MROH1: variants seen among roughly 807,000 people sequenced by gnomAD.
MROH1 encodes maestro heat-like repeat-containing protein family member 1.
A neutral mutation model predicts 116.5 loss-of-function variants in MROH1; 117 were observed. The observed-to-expected ratio is 1.00, with a 90% CI of 0.86 to 1.17. The LOEUF is 1.17. Among genes scored for constraint, MROH1 ranks in the 50% most tolerant of loss-of-function variants. The pLI, the probability that MROH1 is intolerant of heterozygous loss-of-function variation, is 0.00. For missense variants in MROH1, 1,873 were observed against 1,338.5 expected, an observed-to-expected ratio of 1.40 and a Z score of -6.23; for synonymous variants, 921 against 583.9, an observed-to-expected ratio of 1.58 and a Z score of -8.32.
At position 144,152,395 on chromosome 8, in the gene MROH1, T is replaced by A. The variant is rs924320203; in HGVS notation, c.-177+4319T>A. Reference sequence around the variant, plus strand: ...CCTTGTTTTTTTATTTAAAAAAAATTTTTTTTTTTTTTGAGACGGAGTCTT... The same window carrying A: ...CCTTGTTTTTTTATTTAAAAAAAATATTTTTTTTTTTTGAGACGGAGTCTT... On this transcript the variant is annotated intron_variant, in intron 1 of 43. Transcript: ENST00000326134. 0.01 allele frequency among the ~76,000 whole-genome samples: 79 copies of A among 7,570 alleles called. 1 individual carries two copies. The East Asian group carries it at 0.5, about 48-fold the overall frequency. The allele number at this position is 7,570 out of a possible 152,430, so 5.0% of individuals were successfully genotyped here. A position where few individuals can be genotyped will look rare whatever the true frequency, so the allele number is the denominator to read the frequency against.
chr8:144,174,995 C>G, intron 4 of MROH1: 1 of 985,374 alleles, frequency 1.0e-6, no homozygotes, highest in South Asian at 4.7e-5. Context: ...CTATTGTTTT[C>G]CTCTGGAAAA....
chr8:144,207,946 C>CCTTT (rs1564478432), intron 12 of MROH1, among the ~76,000 whole-genome samples: 1 of 135,140 alleles, frequency 7.4e-6, no homozygotes. Flanking sequence ...TTTTTAATTA[C>CCTTT]TTTTTTTTTT....
Position 144,236,228 on chromosome 8 carries a change from A to G in MROH1, c.1339-2528A>G, listed in dbSNP as rs1057410479. ...TCTCATGATTTGATCCAGGTGATGC[A>G]GTTTTGGGAGGAATCTCATGGAATC... On this transcript the variant is annotated intron_variant, in intron 14 of 43. Transcript: ENST00000326134. 9.7e-4 allele frequency among the ~76,000 whole-genome samples: 147 copies of G among 152,202 alleles called. 1 individual carries two copies. Among genetic ancestry groups the G allele is most frequent in the Non-Finnish European group, 1.8e-3 (121 of 68,010 alleles).
intron 7 of MROH1, among the ~76,000 whole-genome samples, chr8:144,186,873 G>C (rs1021540237): frequency 3.9e-4 from 60 of 152,094 alleles, no homozygotes; most frequent in African/African-American, 1.4e-3. Context: ...CAGGCGGATT[G>C]CCTGAGCTCA....
intron 7 of MROH1, among the ~76,000 whole-genome samples, chr8:144,186,595 G>A (rs1827241377): frequency 6.6e-6 from 1 of 152,234 alleles, no homozygotes; most frequent in Non-Finnish European, 1.5e-5. Flanking sequence ...GAACGAAGCA[G>A]ATTCCTATCA....
At chr8:144,175,203 T>C (rs1823516504) in intron 4 of MROH1, 1 of 971,854 alleles carries the variant, frequency 1.0e-6, no homozygotes, top group African/African-American at 1.8e-5. Context: ...CGAGTGGGTA[T>C]AAATGCCCTG....
At chr8:144,206,292 G>A (rs773479425) in intron 12 of MROH1, among the ~76,000 whole-genome samples, 12 of 152,220 alleles carry the variant, frequency 7.9e-5, no homozygotes, top group Non-Finnish European at 1.5e-4. Context: ...GACCCTTCGT[G>A]AGCGTAGGCA....
chr8:144,215,959 C>T (rs1354805744), intron 12 of MROH1, among the ~76,000 whole-genome samples: 1 of 150,324 alleles, frequency 6.7e-6, no homozygotes, highest in Admixed American at 6.6e-5. Flanking sequence ...GGCCGAGGCA[C>T]GGATCACCTG....
chr8:144,244,172 T>C, intron 26 of MROH1, 50 bp from the exon 27 acceptor site: 5 of 712,562 alleles, frequency 7.0e-6, no homozygotes. Context: ...ACTGGGTGTC[T>C]GAGTTTCAGC....
chr8:144,251,842 C>A (rs1481164186), intron 33 of MROH1: 2 of 163,326 alleles, frequency 1.2e-5, no homozygotes, highest in African/African-American at 2.4e-5. Context: ...AGGGTCACGG[C>A]CACCTGACCG....
chr8:144,222,100 T>C (rs901182954), intron 13 of MROH1, among the ~76,000 whole-genome samples: 6 of 131,878 alleles, frequency 4.5e-5, no homozygotes, highest in African/African-American at 1.5e-4. Context: ...CCAGGAAACA[T>C]GGGGATCACA....
rs1292687511 is a variant in MROH1 at position 144,261,061 on chromosome 8, G to A, written c.4671+20G>A. 94 of 771,550 alleles carry A rather than the reference G, an allele frequency of 1.2e-4. No homozygotes were observed. The highest frequency in any genetic ancestry group is 1.0e-3 in the Admixed American group (59 of 58,652). 47.8% of individuals were successfully genotyped at this position (771,550 alleles called of 1,614,324 possible). On this transcript the variant is annotated intron_variant, in intron 41 of 43. Coordinates refer to ENST00000326134, the MANE Select transcript of MROH1 (RefSeq NM_032450.3). ...CACCTGGTGAGGGGTGGGGCCAGGC[G>A]GGGCGTGGTGGGTGGGGCGGGGCCA...
At chr8:144,168,271 G>T (rs778612171) in intron 3 of MROH1, 24 bp from the exon 4 acceptor site, 5 of 1,570,934 alleles carry the variant, frequency 3.2e-6, no homozygotes, top group South Asian at 2.3e-5. Flanking sequence ...GCCTGAGCAT[G>T]CTAACCAGGC....
At chr8:144,197,355 A>G (rs550176995) in intron 10 of MROH1, among the ~76,000 whole-genome samples, 2 of 144,686 alleles carry the variant, frequency 1.4e-5, no homozygotes, top group African/African-American at 5.2e-5. Flanking sequence ...TGTCCCCACA[A>G]CATGGTGGCT....
At chr8:144,227,846 G>A (rs922555160) in intron 14 of MROH1, among the ~76,000 whole-genome samples, 13 of 151,774 alleles carry the variant, frequency 8.6e-5, no homozygotes, top group African/African-American at 2.2e-4. Context: ...CCAGCCACTC[G>A]AGAGGCTGAG....
intron 10 of MROH1, among the ~76,000 whole-genome samples, chr8:144,193,677 C>T (rs1452407427): frequency 2.0e-5 from 3 of 150,130 alleles, no homozygotes; most frequent in Non-Finnish European, 3.0e-5. Context: ...GGCATGATCT[C>T]GGCTCACTGC....
intron 24 of MROH1, among the ~76,000 whole-genome samples, chr8:144,242,858 C>T (rs1369090566): frequency 1.3e-5 from 2 of 152,184 alleles, no homozygotes; most frequent in African/African-American, 4.8e-5. Flanking sequence ...GGGGCCGGGT[C>T]GTGGGCTGTC....
chr8:144,220,647 C>T lies in MROH1; in HGVS notation c.1189C>T (p.Leu397Phe), dbSNP rs1271808456. The change falls in exon 13 of 44, where the codon CTT (leucine) becomes TTT (phenylalanine). Residue 397 changes from leucine (L) to phenylalanine (F), a missense_variant. Physicochemically the swap from Leu to Phe is conservative, Grantham distance 22. Transcript: ENST00000326134. ...GCCCTTTATCCTGTCTTCCATGAGG[C>T]TTCCTCTCCTGGACACCAACAGCAA... ...KKPFILSSMR[L>F]PLLDTNSKVK... 2 of 1,577,962 alleles carry T rather than the reference C, an allele frequency of 1.3e-6. No homozygotes were observed. The highest frequency in any genetic ancestry group is 1.2e-5 in the South Asian group (1 of 86,030).
chr8:144,223,500 C>A (rs1004751586), intron 14 of MROH1, among the ~76,000 whole-genome samples: 8 of 152,278 alleles, frequency 5.3e-5, no homozygotes, highest in African/African-American at 1.7e-4. Flanking sequence ...CTCAGCCCCC[C>A]AAGACTACAG....
Sources: gnomAD v4.1 joint callset for allele counts (sites outside exome capture counted in the v4.1 genomes callset) on GRCh38, gnomAD v4.1.1 for gene constraint, MANE v1.5 for transcripts, NCBI Gene and HGNC (gene_info 2026-07-23, HGNC 2026-07-21) for gene names.